ARIH2: variants seen among roughly 807,000 people sequenced by gnomAD.
The protein encoded by ARIH2 is ariadne RBR E3 ubiquitin protein ligase 2, also known as E3 ubiquitin-protein ligase ARIH2.
Under a neutral mutation model 79.8 loss-of-function variants are expected in ARIH2, and 12 were observed. The ratio of observed to expected loss-of-function variants is 0.15; its 90% CI spans 0.10 to 0.24. The LOEUF (loss-of-function observed/expected upper bound fraction) is 0.24, where lower values mean the gene tolerates loss of function less well. Among genes scored for constraint, ARIH2 ranks in the 10% least tolerant of loss-of-function variants. The pLI, the probability that ARIH2 is intolerant of heterozygous loss-of-function variation, is 1.00. For synonymous variants in ARIH2, 224 were observed against 213.9 expected, an observed-to-expected ratio of 1.05 and a Z score of -0.41; for missense variants, 301 against 618.3, an observed-to-expected ratio of 0.49 and a Z score of 5.44.
intron 3 of ARIH2, among the ~76,000 whole-genome samples, chr3:48,948,290 C>T (rs1447452307): frequency 4.7e-5 from 7 of 148,310 alleles, no homozygotes; most frequent in Non-Finnish European, 1.0e-4. Context: ...TTTTTTGAGA[C>T]GGAGTTTTGC....
chr3:48,919,276 T>G, intron 1 of ARIH2: 1 of 1,108,684 alleles, frequency 9.0e-7, no homozygotes, highest in Non-Finnish European at 1.2e-6. Context: ...CTAGGCCCTC[T>G]CTCCCTGTCT....
rs541586673 is a variant in ARIH2, at chr3:48,933,741, C to T, written c.255+5928C>T. On this transcript the variant is annotated intron_variant, in intron 3 of 15. Transcript: ENST00000356401. ...AATTTTTTTGTATTTTTAGTAGAGA[C>T]GGGCTTTCACCTTGTTTGCCAGGAT... 5.3e-5 allele frequency among the ~76,000 whole-genome samples: 8 copies of T among 151,418 alleles called. No homozygotes were observed. The South Asian group carries it at 1.0e-3, about 20-fold the overall frequency.
At chr3:48,975,733 T>A (rs1027560627) in intron 11 of ARIH2, among the ~76,000 whole-genome samples, 3 of 151,352 alleles carry the variant, frequency 2.0e-5, no homozygotes, top group African/African-American at 7.3e-5. Flanking sequence ...TCTGGCTAAT[T>A]TCTGTATTTT....
At chr3:48,962,680 T>C (rs1232157975) in intron 4 of ARIH2, among the ~76,000 whole-genome samples, 1 of 152,130 alleles carries the variant, frequency 6.6e-6, no homozygotes, top group Non-Finnish European at 1.5e-5. Context: ...ATCTGTGAAT[T>C]GTAGGATGTC....
chr3:48,965,996 C>G (rs2091760990), intron 5 of ARIH2, among the ~76,000 whole-genome samples: 1 of 152,046 alleles, frequency 6.6e-6, no homozygotes. Context: ...CTGACAAAGC[C>G]TGTCTCCTGG....
intron 3 of ARIH2, among the ~76,000 whole-genome samples, chr3:48,952,553 G>A (rs2107414624): frequency 6.6e-6 from 1 of 152,312 alleles, no homozygotes; most frequent in African/African-American, 2.4e-5. Flanking sequence ...TGTGAGTGAG[G>A]CCCTTCTGAT....
Position 48,956,943 on chromosome 3 carries a change from C to A in ARIH2, c.256-4669C>A, listed in dbSNP as rs190599855. On this transcript the variant is annotated intron_variant, in intron 3 of 15. Transcript: ENST00000356401. ...AACTTAGCTGGTCTCAAACTCCTGA[C>A]GTCAAGTGATCTGCCCGCCTCGGCC... 6.8e-3 allele frequency among the ~76,000 whole-genome samples: 1,036 copies of A among 152,052 alleles called. 16 individuals carry two copies. The highest frequency in any genetic ancestry group is 0.023 in the African/African-American group (969 of 41,498).
At chr3:48,956,742 AGGCTGGAGTGCAGT>A (rs993872086) in intron 3 of ARIH2, among the ~76,000 whole-genome samples, 8 of 151,584 alleles carry the variant, frequency 5.3e-5, no homozygotes, top group Non-Finnish European at 1.0e-4. Context: ...TCTATCACCC[AGGCTGGAGTGCAGT>A]GGCACGATCT....
chr3:48,955,332 C>CTTTT (rs79913133), intron 3 of ARIH2, among the ~76,000 whole-genome samples: 1 of 142,182 alleles, frequency 7.0e-6, no homozygotes, highest in Non-Finnish European at 1.6e-5. Flanking sequence ...AGTCATTAGT[C>CTTTT]TTTTTTTTTT....
At chr3:48,943,957 T>C (rs1010993058) in intron 3 of ARIH2, among the ~76,000 whole-genome samples, 1 of 152,184 alleles carries the variant, frequency 6.6e-6, no homozygotes, top group Non-Finnish European at 1.5e-5. Flanking sequence ...GGACACAGCT[T>C]TTAGTCCTAC....
intron 3 of ARIH2, among the ~76,000 whole-genome samples, chr3:48,954,787 ATC>A (rs1367047737): frequency 1.3e-5 from 2 of 152,208 alleles, no homozygotes; most frequent in Non-Finnish European, 2.9e-5. Flanking sequence ...TACCTTTTTT[ATC>A]TCTGATTAGA....
Position 48,918,994 on chromosome 3 carries a change from TC to T in ARIH2, c.-163del. 6.9e-7 allele frequency: 1 copy of T among 1,441,476 alleles called. No individual in the cohort carries two copies. The allele number at this position is 1,441,476 out of a possible 1,614,324, so 89.3% of individuals were successfully genotyped here. A position where few individuals can be genotyped will look rare whatever the true frequency, so the allele number is the denominator to read the frequency against. On this transcript the variant is annotated 5_prime_UTR_variant, in exon 1 of 16. Transcript: ENST00000356401. ...GGCTCAGCGGCCGCGAGGCCGCAGCTCCCGGTAAGTGCGCGGCGCACGTCAC... is the reference window on the plus strand; with the variant it reads ...GGCTCAGCGGCCGCGAGGCCGCAGCTCCGGTAAGTGCGCGGCGCACGTCAC...
chr3:48,921,790 C>T (rs1264273133), intron 1 of ARIH2, among the ~76,000 whole-genome samples: 4 of 150,442 alleles, frequency 2.7e-5, no homozygotes, highest in East Asian at 2.0e-4. Flanking sequence ...CTCACTCTGT[C>T]GCCTAGACTG....
At chr3:48,921,481 C>G (rs1199333973) in intron 1 of ARIH2, 1 of 142,336 alleles carries the variant, frequency 7.0e-6, no homozygotes, top group Non-Finnish European at 1.5e-5. Context: ...GTTGCCCAGG[C>G]TGGAGTGCAG....
chr3:48,932,143 G>A (rs540374084), intron 3 of ARIH2, among the ~76,000 whole-genome samples: 32 of 152,258 alleles, frequency 2.1e-4, no homozygotes, highest in Middle Eastern at 3.4e-3. Flanking sequence ...AGAGAGGAAG[G>A]TGCCCAGAAA....
At chr3:48,923,796 C>G (rs997076220) in intron 2 of ARIH2, among the ~76,000 whole-genome samples, 1 of 151,876 alleles carries the variant, frequency 6.6e-6, no homozygotes, top group Non-Finnish European at 1.5e-5. Context: ...GCTGGGATTA[C>G]AGGTGTGAGC....
In ARIH2 at chr3:48,970,598, C is replaced by A; in HGVS notation, c.664C>A (p.His222Asn). The change falls in exon 8 of 16, where the codon CAT (histidine) becomes AAT (asparagine). Residue 222 changes from histidine (H) to asparagine (N), a missense_variant. His to Asn is a moderately conservative substitution (Grantham distance 68, BLOSUM62 1). Transcript: ENST00000356401. Reference protein sequence around the residue: ...RYLFRDYVESHYQLQLCPGAD... With the variant: ...RYLFRDYVESNYQLQLCPGAD... ...TTTCCTCTTGGTGTGTTCACAGAGT[C>A]ATTACCAGCTCCAGCTGTGCCCTGG... 6.2e-7 allele frequency: 1 copy of A among 1,612,126 alleles called. No individual in the cohort carries two copies. Among genetic ancestry groups the A allele is most frequent in the South Asian group, 1.1e-5 (1 of 90,986 alleles).
Position 48,984,684 on chromosome 3 carries a change from A to G in ARIH2, c.*1414A>G, listed in dbSNP as rs2092857559. On this transcript the variant is annotated 3_prime_UTR_variant, in exon 16 of 16. Coordinates refer to ENST00000356401, the MANE Select transcript of ARIH2 (RefSeq NM_006321.4). ...CTCTAGGGCAGGCAGAGCAGTCTAT[A>G]CTCTCCCAAGCCTGCTTGACCTCCA... The G allele has an allele frequency of 6.6e-6, 1 of 151,924 alleles. No homozygotes were observed. Among genetic ancestry groups the G allele is most frequent in the Non-Finnish European group, 1.5e-5 (1 of 68,000 alleles). The allele number at this position is 151,924 out of a possible 1,614,324, so 9.4% of individuals were successfully genotyped here. A position where few individuals can be genotyped will look rare whatever the true frequency, so the allele number is the denominator to read the frequency against.
chr3:48,964,913 T>G lies in ARIH2; in HGVS notation c.324-6T>G. ...ATTGCCTTCATTTCTGCTTTTTGTT[T>G]TGTAGATACAAGTCCAATTCTGCTC... On this transcript the variant is annotated splice_polypyrimidine_tract_variant and splice_region_variant and intron_variant, in intron 4 of 15. Coordinates refer to ENST00000356401, the MANE Select transcript of ARIH2 (RefSeq NM_006321.4). The G allele has an allele frequency of 6.2e-7, 1 of 1,612,982 alleles. No homozygotes were observed. Among genetic ancestry groups the G allele is most frequent in the Non-Finnish European group, 8.5e-7 (1 of 1,179,246 alleles).
Sources: allele counts gnomAD v4.1 joint callset (sites outside exome capture counted in the v4.1 genomes callset), GRCh38; gene constraint gnomAD v4.1.1; transcripts MANE v1.5; gene names NCBI Gene and HGNC (gene_info 2026-07-23, HGNC 2026-07-21).